The following PKHD1L1 variants were observed in gnomAD, a reference collection of about 807,000 sequenced individuals.
PKHD1L1 encodes the protein fibrocystin-L.
PKHD1L1 carries 434 observed loss-of-function variants against 462.9 expected under a neutral mutation model. The ratio of observed to expected loss-of-function variants is 0.94; its 90% CI spans 0.87 to 1.02. The LOEUF is 1.02. Ranked by LOEUF, PKHD1L1 falls within the 50% of genes least tolerant of loss-of-function variation. The pLI, the probability that PKHD1L1 is intolerant of heterozygous loss-of-function variation, is 0.00. For missense variants in PKHD1L1, 5,202 were observed against 5,096.1 expected (o/e 1.02, Z -0.63); for synonymous variants, 1,781 against 1,750.0 (o/e 1.02, Z -0.44).
intron 51 of PKHD1L1, among the ~76,000 whole-genome samples, chr8:109,475,507 C>A (rs1014901767): frequency 2.0e-5 from 3 of 152,016 alleles, no homozygotes; most frequent in Non-Finnish European, 4.4e-5. Context: ...TAAGCTTATT[C>A]CCCTGTCATT....
At chr8:109,386,704 A>C (rs1047065682) in intron 6 of PKHD1L1, among the ~76,000 whole-genome samples, 2 of 152,170 alleles carry the variant, frequency 1.3e-5, no homozygotes, top group Admixed American at 1.3e-4. Context: ...AGAAGTAAAA[A>C]TTTTGTCTGC....
chr8:109,428,321 G>A (rs1441012866), intron 25 of PKHD1L1, among the ~76,000 whole-genome samples: 1 of 152,124 alleles, frequency 6.6e-6, no homozygotes, highest in Admixed American at 6.6e-5. Flanking sequence ...AGAAGGATTG[G>A]TGTAACTTTC....
intron 1 of PKHD1L1, among the ~76,000 whole-genome samples, 170 bp from the exon 2 acceptor site, chr8:109,364,377 T>C (rs1257926902): frequency 2.0e-5 from 3 of 152,260 alleles, no homozygotes; most frequent in African/African-American, 7.2e-5. Flanking sequence ...AGTTAATGAC[T>C]CTGTCAAGTC....
Position 109,404,654 on chromosome 8 carries a change from G to A in PKHD1L1, c.1474G>A (p.Asp492Asn). ...RNVYTEQQTG[D>N]AVNEEQVIKS... is the part of the protein sequence containing the mutation. The stretch of plus-strand genomic sequence containing the variant: ...TGTTTATACTGAACAACAAACAGGA[G>A]ATGCAGTGAATGAAGAACAAGTTAT... The change falls in exon 15 of 78, where the codon GAT (aspartate) becomes AAT (asparagine). Residue 492 changes from aspartate (D) to asparagine (N), a missense_variant. Physicochemically the swap from Asp to Asn is conservative, Grantham distance 23. Around this residue, in one of 3 missense-constraint regions of PKHD1L1, gnomAD observed 4,497 missense variants for 4,336.8 expected, o/e 1.04. Coordinates refer to ENST00000378402, the MANE Select transcript of PKHD1L1 (RefSeq NM_177531.6). 6.2e-7 allele frequency: 1 copy of A among 1,608,714 alleles called. No individual in the cohort carries two copies. The highest frequency in any genetic ancestry group is 8.5e-7 in the Non-Finnish European group (1 of 1,177,242).
At position 109,412,384 on chromosome 8, in the gene PKHD1L1, T is replaced by A. The variant is rs1276555580; in HGVS notation, c.2205T>A (p.Tyr735Ter). The A allele has an allele frequency of 6.2e-7, 1 of 1,613,144 alleles. No individual in the cohort carries two copies. Among genetic ancestry groups the A allele is most frequent in the African/African-American group, 1.3e-5 (1 of 75,014 alleles). Reference protein sequence around the residue: ...SADVKPNRRPYGDILLFPYNQ... With the variant: ...SADVKPNRRP ...ATGTTAAACCAAACAGACGACCATA[T>A]GGAGATATTTTATTGTTTCCTTATA... is the stretch of plus-strand genomic sequence containing the variant. The change falls in exon 20 of 78, where the codon TAT (tyrosine) becomes TAA (stop). Residue 735 changes from tyrosine to a stop codon, truncating the protein, a stop_gained. Coordinates refer to ENST00000378402, the MANE Select transcript of PKHD1L1 (RefSeq NM_177531.6). LOFTEE classifies it high-confidence loss of function.
chr8:109,481,523 G>A lies in PKHD1L1; in HGVS notation c.9418G>A (p.Ala3140Thr). ...AGGAAATCATACTACACAAGACTGG[G>A]CTCTTCCAGAAGGACCAAATCAAGG... ...LRGNHTTQDW[A>T]LPEGPNQGAK... Residue 3140 changes from alanine to threonine, a missense_variant, in exon 56 of 78, where the codon GCT (alanine) becomes ACT (threonine). This residue lies in a region of PKHD1L1 where 4,497 missense variants were observed against 4,336.8 expected (regional missense o/e 1.04). Transcript: ENST00000378402. The A allele has an allele frequency of 6.3e-7, 1 of 1,595,764 alleles. No homozygotes were observed. Among genetic ancestry groups the A allele is most frequent in the Non-Finnish European group, 8.5e-7 (1 of 1,170,286 alleles).
At chr8:109,388,248 T>A (rs1290657755) in intron 6 of PKHD1L1, among the ~76,000 whole-genome samples, 1 of 152,170 alleles carries the variant, frequency 6.6e-6, no homozygotes, top group Non-Finnish European at 1.5e-5. Flanking sequence ...CTTTCCCAGT[T>A]AAAATGTCAG....
At position 109,442,950 on chromosome 8, in the gene PKHD1L1, A is replaced by ATTTT; in HGVS notation, c.4399_4402dup (p.Ser1468PhefsTer14). 2 of 1,594,136 alleles carry ATTTT rather than the reference A, an allele frequency of 1.3e-6. No individual in the cohort carries two copies. Among genetic ancestry groups the ATTTT allele is most frequent in the Admixed American group, 1.8e-5 (1 of 56,918 alleles). ...TACAATCTCATTTTATGGCAGGTTC[A>ATTTT]TTTTCTTACCAATTTACTTCTCCTG... On this transcript the variant is annotated frameshift_variant, in exon 36 of 78. Coordinates refer to ENST00000378402, the MANE Select transcript of PKHD1L1 (RefSeq NM_177531.6). LOFTEE classifies it high-confidence loss of function.
intron 43 of PKHD1L1, 33 bp downstream of exon 43, chr8:109,452,907 G>A (rs1816618510): frequency 1.5e-6 from 2 of 1,310,588 alleles, no homozygotes; most frequent in Admixed American, 7.4e-5. Flanking sequence ...ATTGGACTCT[G>A]CCTGATAAAT....
chr8:109,434,717 C>A (rs1046963551), intron 28 of PKHD1L1, among the ~76,000 whole-genome samples: 1 of 152,140 alleles, frequency 6.6e-6, no homozygotes, highest in African/African-American at 2.4e-5. Flanking sequence ...GATCCACCCG[C>A]CTCAGCCTTC....
At chr8:109,496,796 C>A in intron 63 of PKHD1L1, 123 bp from the exon 64 acceptor site, 5 of 1,022,896 alleles carry the variant, frequency 4.9e-6, no homozygotes, top group South Asian at 1.8e-5. Context: ...CATATTAAAC[C>A]TGATATCAGA....
chr8:109,378,578 A>G (rs1811953547), intron 2 of PKHD1L1, among the ~76,000 whole-genome samples: 1 of 152,120 alleles, frequency 6.6e-6, no homozygotes, highest in Non-Finnish European at 1.5e-5. Flanking sequence ...TAATACATAC[A>G]TCCTGTGTCC....
Position 109,443,890 on chromosome 8 carries a change from A to G in PKHD1L1, c.4779A>G (p.Pro1593=), listed in dbSNP as rs767973169. The change falls in exon 37 of 78, where the codon CCA becomes CCG. Residue 1593 remains proline (P), a synonymous_variant. Coordinates refer to ENST00000378402, the MANE Select transcript of PKHD1L1 (RefSeq NM_177531.6). ...TIIGHGFSNL[P]WANKVTIGSY... is the part of the protein sequence containing the mutation. The stretch of plus-strand genomic sequence containing the variant: ...TTGGACATGGCTTTAGTAATCTCCC[A>G]TGGGCTAATAAGGTAAGAATATAAA... The G allele has an allele frequency of 3.0e-5, 48 of 1,608,078 alleles. No individual in the cohort carries two copies. Among genetic ancestry groups the G allele is most frequent in the Non-Finnish European group, 3.7e-5 (43 of 1,174,940 alleles).
Position 109,379,784 on chromosome 8 carries a change from A to G in PKHD1L1, c.164-1586A>G, listed in dbSNP as rs189666336. Among the ~76,000 whole-genome samples the G allele has an allele frequency of 2.0e-3, 312 of 152,306 alleles. 2 individuals carry two copies. Among genetic ancestry groups the G allele is most frequent in the African/African-American group, 5.2e-3 (218 of 41,570 alleles). On this transcript the variant is annotated intron_variant, in intron 2 of 77. Transcript: ENST00000378402. ...TAGATTCCACTGAACTGAAACTACCACCATGGTCTACTCAGTTTGAATTCA... is the reference window on the plus strand; with the variant it reads ...TAGATTCCACTGAACTGAAACTACCGCCATGGTCTACTCAGTTTGAATTCA...
intron 40 of PKHD1L1, among the ~76,000 whole-genome samples, chr8:109,450,068 G>C (rs187628474): frequency 1.3e-5 from 2 of 152,180 alleles, no homozygotes; most frequent in Admixed American, 6.5e-5. Context: ...TAATGGTTAA[G>C]AGCCTGGGCT....
Position 109,438,227 on chromosome 8 carries a change from C to A in PKHD1L1, c.3628-97C>A, listed in dbSNP as rs901025327. On this transcript the variant is annotated intron_variant, in intron 30 of 77. Coordinates refer to ENST00000378402, the MANE Select transcript of PKHD1L1 (RefSeq NM_177531.6). The stretch of plus-strand genomic sequence containing the variant: ...TGATCTTGACTTTGAAGTAAAACAT[C>A]TTCAGAAGTTTATTCTGAATAATCT... The A allele has an allele frequency of 2.3e-5, 21 of 928,980 alleles. No individual in the cohort carries two copies. In the African/African-American group the frequency reaches 3.1e-4, roughly 14 times the overall value. 57.5% of individuals were successfully genotyped at this position (928,980 alleles called of 1,614,324 possible). A position where few individuals can be genotyped will look rare whatever the true frequency, so the allele number is the denominator to read the frequency against.
chr8:109,461,039 G>C (rs1586562369), intron 47 of PKHD1L1, among the ~76,000 whole-genome samples: 1 of 152,158 alleles, frequency 6.6e-6, no homozygotes, highest in East Asian at 1.9e-4. Flanking sequence ...CATATACCCA[G>C]AAATAGAAGG....
At position 109,452,825 on chromosome 8, in the gene PKHD1L1, C is replaced by T. The variant is rs200615462; in HGVS notation, c.6615C>T (p.Thr2205=). 2.0e-6 allele frequency: 3 copies of T among 1,530,566 alleles called. No homozygotes were observed. Among genetic ancestry groups the T allele is most frequent in the South Asian group, 1.3e-5 (1 of 75,778 alleles). 94.8% of individuals were successfully genotyped at this position (1,530,566 alleles called of 1,614,324 possible). Residue 2205 remains threonine (T), a synonymous_variant, in exon 43 of 78, where the codon ACC becomes ACT. Transcript: ENST00000378402. ...TTGTTGTTATTACAAAAGGACAGAC[C>T]ATTCTGCTGGATCAAAGCACCCCTA... is the stretch of plus-strand genomic sequence containing the variant. ...GSLVVITKGQ[T]ILLDQSTPIL... is the part of the protein sequence containing the mutation.
At chr8:109,430,733 A>G (rs1336631990) in intron 27 of PKHD1L1, among the ~76,000 whole-genome samples, 1 of 152,186 alleles carries the variant, frequency 6.6e-6, no homozygotes, top group African/African-American at 2.4e-5. Flanking sequence ...AAATTCGCCA[A>G]CTAATTTTAT....
Sources: allele counts gnomAD v4.1 joint callset (sites outside exome capture counted in the v4.1 genomes callset), GRCh38; gene constraint gnomAD v4.1.1; regional missense constraint gnomAD v4.1.1; transcripts MANE v1.5; gene names NCBI Gene and HGNC (gene_info 2026-07-23, HGNC 2026-07-21).